AGAP2: variants seen among roughly 807,000 people sequenced by gnomAD.
AGAP2 encodes ArfGAP with GTPase domain, ankyrin repeat and PH domain 2.
Under a neutral mutation model 110.9 loss-of-function variants are expected in AGAP2, and 32 were observed. The observed-to-expected ratio is 0.29, with a 90% CI of 0.22 to 0.39. The LOEUF (loss-of-function observed/expected upper bound fraction) is 0.39, where lower values mean the gene tolerates loss of function less well. Among genes scored for constraint, AGAP2 ranks in the 10% least tolerant of loss-of-function variants. The pLI, the probability that AGAP2 is intolerant of heterozygous loss-of-function variation, is 1.00. For synonymous variants in AGAP2, 702 were observed against 713.0 expected, an observed-to-expected ratio of 0.98 and a Z score of 0.25; for missense variants, 1,285 against 1,638.5, an observed-to-expected ratio of 0.78 and a Z score of 3.72.
chr12:57,730,575 CTG>C lies in AGAP2; in HGVS notation c.2346_2347del (p.Ser783PhefsTer62). ...CTGATCTGGTGGTGGCTGCAGGGAA[CTG>C]GGGCTGGGGCTAGGGCTTGGCATGG... is the stretch of plus-strand genomic sequence containing the variant. On this transcript the variant is annotated frameshift_variant, in exon 12 of 19. Coordinates refer to ENST00000547588, the MANE Select transcript of AGAP2 (RefSeq NM_001122772.3). LOFTEE classifies it high-confidence loss of function. 2 of 1,614,142 alleles carry C rather than the reference CTG, an allele frequency of 1.2e-6. No homozygotes were observed. The highest frequency in any genetic ancestry group is 1.7e-6 in the Non-Finnish European group (2 of 1,180,020).
Position 57,731,940 on chromosome 12 carries a change from A to C in AGAP2, c.1822T>G (p.Tyr608Asp). The stretch of plus-strand genomic sequence containing the variant: ...GGTGAGGACGGGAGGGAAGAAGAGT[A>C]GTCGCTAGTGTGGCCCCCGTTACTA... ...QASNGGHTSD[Y>D]SSSLPSSPNV... The change falls in exon 8 of 19, where the codon TAC (tyrosine) becomes GAC (aspartate). Residue 608 changes from tyrosine (Y) to aspartate (D), a missense_variant. Coordinates refer to ENST00000547588, the MANE Select transcript of AGAP2 (RefSeq NM_001122772.3). 1 of 1,613,812 alleles carries C rather than the reference A, an allele frequency of 6.2e-7. No homozygotes were observed. Among genetic ancestry groups the C allele is most frequent in the Non-Finnish European group, 8.5e-7 (1 of 1,179,984 alleles).
At position 57,738,609 on chromosome 12, in the gene AGAP2, G is replaced by A. The variant is rs981563396; in HGVS notation, c.-363C>T. Among the ~76,000 whole-genome samples, 1 of 151,914 alleles carries A rather than the reference G, an allele frequency of 6.6e-6. No homozygotes were observed. Among genetic ancestry groups the A allele is most frequent in the African/African-American group, 2.4e-5 (1 of 41,338 alleles). ...GCAAATGGGGGAGAGAGAGGAAAAG[G>A]GAGCAGAAAAGGGGACCGGAGGCTA... is the stretch of plus-strand genomic sequence containing the variant. On this transcript the variant is annotated 5_prime_UTR_variant, in exon 1 of 19. Coordinates refer to ENST00000547588, the MANE Select transcript of AGAP2 (RefSeq NM_001122772.3). The surrounding 1 kb of genome is among the most constrained non-coding windows in gnomAD (Gnocchi z 6.7).
intron 13 of AGAP2, 38 bp downstream of exon 13, chr12:57,729,601 G>T: frequency 6.3e-7 from 1 of 1,597,264 alleles, no homozygotes; most frequent in East Asian, 2.3e-5. Context: ...GGGGATGAGG[G>T]TTCTGGGTGG....
Position 57,730,897 on chromosome 12 carries a change from T to C in AGAP2, c.2202A>G (p.Lys734=). The change falls in exon 11 of 19, where the codon AAA becomes AAG. Residue 734 remains lysine, a synonymous_variant. Transcript: ENST00000547588. Reference sequence around the variant, plus strand: ...CCCTCGGGGGCCGCTTGCCCGGGACTTTGACTGTTGTTCGCAGCAAGTCCA... The same window carrying C: ...CCCTCGGGGGCCGCTTGCCCGGGACCTTGACTGTTGTTCGCAGCAAGTCCA... ...KEMDLLRTTV[K]VPGKRPPRAI... is the part of the protein sequence containing the mutation. 2 of 1,603,090 alleles carry C rather than the reference T, an allele frequency of 1.2e-6. No homozygotes were observed. Among genetic ancestry groups the C allele is most frequent in the Non-Finnish European group, 8.5e-7 (1 of 1,174,732 alleles).
intron 12 of AGAP2, chr12:57,730,259 G>C (rs1490552623): frequency 8.6e-6 from 5 of 583,312 alleles, no homozygotes; most frequent in Non-Finnish European, 3.0e-6. Context: ...GGCACGGAGA[G>C]GTCAAGTAAC....
intron 3 of AGAP2, 49 bp from the exon 4 acceptor site, chr12:57,734,453 C>A: frequency 6.2e-7 from 1 of 1,601,232 alleles, no homozygotes; most frequent in South Asian, 1.1e-5. Flanking sequence ...GACAGGTCAC[C>A]AAACCTCCCC....
intron 1 of AGAP2, 108 bp from the exon 2 acceptor site, chr12:57,735,535 G>T: frequency 9.8e-7 from 1 of 1,018,856 alleles, no homozygotes; most frequent in Non-Finnish European, 1.5e-6. Flanking sequence ...CCCCAACCCT[G>T]CCTGCACTGG....
At position 57,737,961 on chromosome 12, in the gene AGAP2, C is replaced by T; in HGVS notation, c.286G>A (p.Ala96Thr). 2 of 1,407,150 alleles carry T rather than the reference C, an allele frequency of 1.4e-6. No individual in the cohort carries two copies. The highest frequency in any genetic ancestry group is 1.5e-5 in the South Asian group (1 of 65,142). The allele number at this position is 1,407,150 out of a possible 1,614,324, so 87.2% of individuals were successfully genotyped here. The change falls in exon 1 of 19, where the codon GCT becomes ACT. Residue 96 changes from alanine (A) to threonine (T), a missense_variant. Around this residue, in one of 7 missense-constraint regions of AGAP2, gnomAD observed 844 missense variants for 941.2 expected, o/e 0.90. Transcript: ENST00000547588. This position sits in a 1 kb window ranked among gnomAD's most constrained non-coding sequence, Gnocchi z 5.9. ...GGAEPPALSPAPASPARPVSP... is the reference protein window; with the variant it reads ...GGAEPPALSPTPASPARPVSP... The stretch of plus-strand genomic sequence containing the variant: ...ACTGGGCGGGCCGGACTGGCCGGAG[C>T]CGGGGACAGGGCTGGGGGCTCCGCG...
chr12:57,734,209 C>T (rs1033313818), intron 4 of AGAP2, 36 bp from the exon 5 acceptor site: 1 of 1,604,252 alleles, frequency 6.2e-7, no homozygotes, highest in African/African-American at 1.3e-5. Context: ...GAAAGTCAGA[C>T]AGGTCTACTC....
In AGAP2 at chr12:57,737,830, G is replaced by C. The variant is rs1462915833; in HGVS notation, c.417C>G (p.Ser139=). ...PDPKPGGAPT[S]SRRPLLSSPS... is the part of the protein sequence containing the mutation. ...GGCTGCTGAGCAGGGGGCGCCGGGA[G>C]GAGGTGGGGGCGCCCCCAGGCTTGG... The change falls in exon 1 of 19, where the codon TCC becomes TCG. Residue 139 remains serine, a synonymous_variant. Coordinates refer to ENST00000547588, the MANE Select transcript of AGAP2 (RefSeq NM_001122772.3). This position sits in a 1 kb window ranked among gnomAD's most constrained non-coding sequence, Gnocchi z 5.9. 1 of 1,484,690 alleles carries C rather than the reference G, an allele frequency of 6.7e-7. No homozygotes were observed. The highest frequency in any genetic ancestry group is 1.3e-5 in the South Asian group (1 of 76,446). 92.0% of individuals were successfully genotyped at this position (1,484,690 alleles called of 1,614,324 possible). A position where few individuals can be genotyped will look rare whatever the true frequency, so the allele number is the denominator to read the frequency against.
At chr12:57,733,764 G>A (rs1954928701) in intron 5 of AGAP2, among the ~76,000 whole-genome samples, 1 of 152,180 alleles carries the variant, frequency 6.6e-6, no homozygotes, top group Non-Finnish European at 1.5e-5. Context: ...CACAAGGTAG[G>A]TGACATTTCA....
chr12:57,741,127 G>A (rs990405161), upstream of AGAP2, among the ~76,000 whole-genome samples: 2 of 152,200 alleles, frequency 1.3e-5, no homozygotes, highest in Non-Finnish European at 2.9e-5. Context: ...GTTCCTCAGT[G>A]GTAGGGCCTT....
At position 57,727,476 on chromosome 12, in the gene AGAP2, C is replaced by T; in HGVS notation, c.2964G>A (p.Leu988=). The T allele has an allele frequency of 6.2e-7, 1 of 1,613,596 alleles. No individual in the cohort carries two copies. The highest frequency in any genetic ancestry group is 8.5e-7 in the Non-Finnish European group (1 of 1,179,888). ...GGGTCAGCTCCCGTGGCCAGTCGTC[C>T]AAGTCCAGCGAGCGAACGCGGGACA... ...THLSRVRSLD[L]DDWPRELTLV... The change falls in exon 17 of 19, where the codon TTG becomes TTA. Residue 988 remains leucine, a synonymous_variant. Coordinates refer to ENST00000547588, the MANE Select transcript of AGAP2 (RefSeq NM_001122772.3).
upstream of AGAP2, chr12:57,742,022 C>G: frequency 3.1e-6 from 5 of 1,614,170 alleles, no homozygotes; most frequent in Non-Finnish European, 4.2e-6. Context: ...CTCATGTCGT[C>G]TGACTTCTGC....
At chr12:57,728,413 G>A (rs577085767) in intron 13 of AGAP2, 36 bp from the exon 14 acceptor site, 1 of 1,605,200 alleles carries the variant, frequency 6.2e-7, no homozygotes. Context: ...GAGATAGAAT[G>A]GAGAGCAGAA....
chr12:57,738,145 C>T lies in AGAP2; in HGVS notation c.102G>A (p.Pro34=). The T allele has an allele frequency of 6.6e-7, 1 of 1,523,076 alleles. No individual in the cohort carries two copies. Among genetic ancestry groups the T allele is most frequent in the Non-Finnish European group, 8.8e-7 (1 of 1,140,504 alleles). 94.3% of individuals were successfully genotyped at this position (1,523,076 alleles called of 1,614,324 possible). A position where few individuals can be genotyped will look rare whatever the true frequency, so the allele number is the denominator to read the frequency against. The change falls in exon 1 of 19, where the codon CCG becomes CCA. Residue 34 remains proline, a synonymous_variant. Transcript: ENST00000547588. This position sits in a 1 kb window ranked among gnomAD's most constrained non-coding sequence, Gnocchi z 6.7. ...CGGCGGCGCCGGCCGCGGCCGCAGA[C>T]GGAGAAGGCGGCGGCGGAGGCACCG... is the stretch of plus-strand genomic sequence containing the variant. ...LESVPPPPPS[P]SAAAAGAAGA... is the part of the protein sequence containing the mutation.
At position 57,726,962 on chromosome 12, in the gene AGAP2, C is replaced by G. The variant is rs774782362; in HGVS notation, c.3336+12G>C. 1.3e-6 allele frequency: 2 copies of G among 1,541,816 alleles called. No individual in the cohort carries two copies. The highest frequency in any genetic ancestry group is 3.9e-5 in the Admixed American group (2 of 51,638). On this transcript the variant is annotated intron_variant, in intron 18 of 18. Transcript: ENST00000547588. This position sits in a 1 kb window ranked among gnomAD's most constrained non-coding sequence, Gnocchi z 5.7. ...CCTCAAAGACCCCCTTTCCTCCCCC[C>G]AGCTCACGTACCCACAGCAGCAGTT...
At chr12:57,740,133 G>A (rs1262191397), upstream of AGAP2, among the ~76,000 whole-genome samples, 2 of 152,076 alleles carry the variant, frequency 1.3e-5, no homozygotes, top group African/African-American at 4.8e-5. Context: ...CCCTCCTGAC[G>A]CAGCTGAGAC....
rs1369158201 is a variant in AGAP2 at position 57,726,980 on chromosome 12, C to T, written c.3330G>A (p.Leu1110=). 6.3e-7 allele frequency: 1 copy of T among 1,584,632 alleles called. No homozygotes were observed. Among genetic ancestry groups the T allele is most frequent in the Non-Finnish European group, 8.6e-7 (1 of 1,165,246 alleles). ...ELAHVVITQL[L]LWYGADVAAR... ...CTCCCCCCAGCTCACGTACCCACAG[C>T]AGCAGTTGCGTGATGACGACGTGGG... is the stretch of plus-strand genomic sequence containing the variant. The change falls in exon 18 of 19, where the codon CTG becomes CTA. Residue 1110 remains leucine, a synonymous_variant. Transcript: ENST00000547588. The surrounding 1 kb of genome is among the most constrained non-coding windows in gnomAD (Gnocchi z 5.7).
Sources: allele counts gnomAD v4.1 joint callset (sites outside exome capture counted in the v4.1 genomes callset), GRCh38; gene constraint gnomAD v4.1.1; regional missense constraint gnomAD v4.1.1; non-coding constraint Gnocchi (gnomAD v3.1); transcripts MANE v1.5; gene names NCBI Gene and HGNC (gene_info 2026-07-23, HGNC 2026-07-21).